Variants in GPC5 observed in about 807,000 individuals in gnomAD.
GPC5 encodes glypican 5.
A neutral mutation model predicts 53.9 loss-of-function variants in GPC5; 47 were observed. The observed-to-expected ratio is 0.87, with a 90% confidence interval of 0.69 to 1.11. The LOEUF (loss-of-function observed/expected upper bound fraction) is 1.11. GPC5 is among the 50% of genes most tolerant of loss of function. The pLI is 0.00. For missense variants in GPC5, 748 were observed against 713.1 expected (o/e 1.05, Z -0.56); for synonymous variants, 286 against 263.3 (o/e 1.09, Z -0.84).
intron 7 of GPC5, among the ~76,000 whole-genome samples, chr13:92,181,311 C>T (rs544286994): frequency 6.6e-6 from 1 of 152,176 alleles, no homozygotes; most frequent in Non-Finnish European, 1.5e-5. Context: ...TTAAAGTAAA[C>T]CCAAACAAGG....
intron 7 of GPC5, among the ~76,000 whole-genome samples, chr13:92,684,955 C>A (rs9523764): frequency 0.15 from 23,542 of 152,144 alleles, 2,193 homozygotes; most frequent in Non-Finnish European, 0.22. Context: ...AGTAGCAAAT[C>A]ATTGTTTTAG....
intron 5 of GPC5, among the ~76,000 whole-genome samples, chr13:91,848,484 T>G (rs1317341219): frequency 6.6e-6 from 1 of 152,130 alleles, no homozygotes. Context: ...TGACTGGACC[T>G]GGGAGGGGCT....
rs529108663 is a variant in GPC5, at chr13:91,399,136, C to T, written c.90C>T (p.Cys30=). The change falls in exon 1 of 8, where the codon TGC becomes TGT. Residue 30 remains cysteine (C), a synonymous_variant. Transcript: ENST00000377067. Reference sequence around the variant, plus strand: ...CCCGCAGCGAGGGCGTGCAGACCTGCGAAGAAGTTCGGAAACTTTTCCAGT... The same window carrying T: ...CCCGCAGCGAGGGCGTGCAGACCTGTGAAGAAGTTCGGAAACTTTTCCAGT... The part of the protein sequence containing the change: ...GSARSEGVQT[C]EEVRKLFQWR... 2.5e-6 allele frequency: 4 copies of T among 1,613,200 alleles called. No individual in the cohort carries two copies. In the South Asian group the frequency reaches 3.3e-5, roughly 13 times the overall value.
At chr13:92,406,809 A>T (rs2139343733) in intron 7 of GPC5, among the ~76,000 whole-genome samples, 1 of 152,342 alleles carries the variant, frequency 6.6e-6, no homozygotes, top group South Asian at 2.1e-4. Context: ...TATAAAATTC[A>T]GCCACATATT....
chr13:91,642,148 G>A (rs2034445521), intron 2 of GPC5, among the ~76,000 whole-genome samples: 1 of 145,354 alleles, frequency 6.9e-6, no homozygotes, highest in Non-Finnish European at 1.5e-5. Context: ...GAGTGGTATA[G>A]GTTGAATAAT....
chr13:92,776,068 T>C (rs1291969633), intron 7 of GPC5, among the ~76,000 whole-genome samples: 1 of 152,198 alleles, frequency 6.6e-6, no homozygotes, highest in Non-Finnish European at 1.5e-5. Flanking sequence ...AGATGTATTA[T>C]CTGACAAGTC....
chr13:92,202,241 G>A (rs926456361), intron 7 of GPC5, among the ~76,000 whole-genome samples: 1 of 152,160 alleles, frequency 6.6e-6, no homozygotes, highest in Non-Finnish European at 1.5e-5. Context: ...TTTCAGTTCT[G>A]GAATAATGTA....
chr13:91,581,577 A>G (rs1037465411), intron 2 of GPC5, among the ~76,000 whole-genome samples: 3 of 152,142 alleles, frequency 2.0e-5, no homozygotes, highest in African/African-American at 7.2e-5. Context: ...AAGGATATAT[A>G]TTCACTAATA....
chr13:91,978,088 G>C (rs1241280575), intron 6 of GPC5, among the ~76,000 whole-genome samples: 1 of 152,178 alleles, frequency 6.6e-6, no homozygotes, highest in Admixed American at 6.5e-5. Context: ...CCAGGAGGTC[G>C]AGGCTGCAGT....
intron 6 of GPC5, among the ~76,000 whole-genome samples, chr13:92,001,928 T>C (rs567560475): frequency 6.6e-6 from 1 of 152,254 alleles, no homozygotes; most frequent in Admixed American, 6.5e-5. Flanking sequence ...CCATTTGGAA[T>C]GTAGGTCAAA....
intron 7 of GPC5, among the ~76,000 whole-genome samples, chr13:92,277,193 G>C (rs1952223): frequency 0.048 from 7,284 of 151,870 alleles, 611 homozygotes; most frequent in African/African-American, 0.17. Context: ...CTTCAAGATT[G>C]TAGGGAATTG....
chr13:91,486,318 A>T (rs1395075142), intron 2 of GPC5: 1 of 152,174 alleles, frequency 6.6e-6, no homozygotes, highest in East Asian at 1.9e-4. Context: ...CCTGCAGTTG[A>T]CAATTTGCCT....
chr13:92,296,956 A>C (rs1035207438), intron 7 of GPC5, among the ~76,000 whole-genome samples: 3 of 151,916 alleles, frequency 2.0e-5, no homozygotes, highest in African/African-American at 7.3e-5. Flanking sequence ...CACCCCCTCC[A>C]TGGGCTCCTG....
At chr13:91,969,961 A>G (rs765018038) in intron 6 of GPC5, among the ~76,000 whole-genome samples, 4 of 152,112 alleles carry the variant, frequency 2.6e-5, no homozygotes, top group Admixed American at 6.6e-5. Flanking sequence ...AACAGCATGC[A>G]CTCCCATGTT....
intron 7 of GPC5, among the ~76,000 whole-genome samples, chr13:92,685,557 T>TAA (rs1464543148): frequency 2.3e-4 from 26 of 111,910 alleles, no homozygotes; most frequent in Admixed American, 2.1e-3. Flanking sequence ...TTTTTTTTTT[T>TAA]TAATTTTTTT....
In GPC5 at chr13:92,714,795, C is replaced by T. The variant is rs942539800; in HGVS notation, c.1562-151487C>T. Among the ~76,000 whole-genome samples the T allele has an allele frequency of 7.2e-5, 11 of 152,234 alleles. No individual in the cohort carries two copies. The South Asian group carries it at 1.0e-3, about 14-fold the overall frequency. ...TAAAAAGAATTGCTTAGGCCAGGCA[C>T]GGTGGCTCACACCTGTAATCCCAGT... is the stretch of plus-strand genomic sequence containing the variant. On this transcript the variant is annotated intron_variant, in intron 7 of 7. Transcript: ENST00000377067.
chr13:92,454,322 T>C (rs563880471), intron 7 of GPC5, among the ~76,000 whole-genome samples: 1 of 152,304 alleles, frequency 6.6e-6, no homozygotes, highest in South Asian at 2.1e-4. Flanking sequence ...TTTTTTTGCT[T>C]CTGTTTATTT....
At chr13:92,409,369 C>G (rs1875944453) in intron 7 of GPC5, among the ~76,000 whole-genome samples, 1 of 151,650 alleles carries the variant, frequency 6.6e-6, no homozygotes, top group Non-Finnish European at 1.5e-5. Flanking sequence ...GTAACCATGA[C>G]AGAATCCCAA....
intron 2 of GPC5, among the ~76,000 whole-genome samples, chr13:91,461,574 G>A (rs1881930722): frequency 6.6e-6 from 1 of 152,120 alleles, no homozygotes; most frequent in African/African-American, 2.4e-5. Flanking sequence ...AATTAATGAG[G>A]ATTAATTGAG....
Sources: allele counts gnomAD v4.1 joint callset (sites outside exome capture counted in the v4.1 genomes callset), GRCh38; gene constraint gnomAD v4.1.1; transcripts MANE v1.5; gene names NCBI Gene and HGNC (gene_info 2026-07-23, HGNC 2026-07-21).